SNX20: variants seen among roughly 807,000 people sequenced by gnomAD.
SNX20 encodes sorting nexin 20, also known as sorting nexin-20.
In SNX20, 21 loss-of-function variants were observed where a neutral mutation model predicts 24.5. The observed-to-expected ratio is 0.86, with a 90% CI of 0.61 to 1.23. SNX20 has a LOEUF of 1.23. Ranked by LOEUF, SNX20 falls within the 50% of genes most tolerant of loss-of-function variation. The pLI is 0.00. For missense variants in SNX20, 433 were observed against 430.8 expected, an observed-to-expected ratio of 1.00 and a Z score of -0.04; for synonymous variants, 206 against 192.8, an observed-to-expected ratio of 1.07 and a Z score of -0.57.
At position 50,673,808 on chromosome 16, in the gene SNX20, G is replaced by T; in HGVS notation, c.549C>A (p.Phe183Leu). The change falls in exon 4 of 4, where the codon TTC becomes TTA. Residue 183 changes from phenylalanine (F) to leucine (L), a missense_variant. Physicochemically the swap from Phe to Leu is conservative, Grantham distance 22. Transcript: ENST00000330943. This position sits in a 1 kb window ranked among gnomAD's most constrained non-coding sequence, Gnocchi z 4.1. ...CCTCGCGCAGCTCCGGCCGCGTGAG[G>T]AAGTCCAGGAACTCCCGGGAGCGGC... is the stretch of plus-strand genomic sequence containing the variant. The part of the protein sequence containing the change: ...CVRRSREFLD[F>L]LTRPELREAF... The T allele has an allele frequency of 6.3e-7, 1 of 1,591,874 alleles. No individual in the cohort carries two copies.
downstream of SNX20, chr16:50,670,529 C>T: frequency 6.6e-6 from 1 of 152,256 alleles, no homozygotes; most frequent in South Asian, 2.1e-4. Flanking sequence ...CAGCTGCCAC[C>T]ACTCTAAAGT....
At position 50,673,714 on chromosome 16, in the gene SNX20, G is replaced by C; in HGVS notation, c.643C>G (p.Gln215Glu). 1 of 1,499,766 alleles carries C rather than the reference G, an allele frequency of 6.7e-7. No homozygotes were observed. Among genetic ancestry groups the C allele is most frequent in the Non-Finnish European group, 8.8e-7 (1 of 1,132,688 alleles). The allele number at this position is 1,499,766 out of a possible 1,614,324, so 92.9% of individuals were successfully genotyped here. A position where few individuals can be genotyped will look rare whatever the true frequency, so the allele number is the denominator to read the frequency against. ...GGGCAGTGGGCGGTGAGCTTCTCCT[G>C]CAGCGGCAGCACGCGCAGCAGCAGC... ...LELLLRVLPLQEKLTAHCPAA... is the reference protein window; with the variant it reads ...LELLLRVLPLEEKLTAHCPAA... Residue 215 changes from glutamine to glutamate, a missense_variant, in exon 4 of 4, where the codon CAG becomes GAG. By Grantham distance (29) the Gln-to-Glu change is conservative (BLOSUM62 2). Transcript: ENST00000330943. The surrounding 1 kb of genome is among the most constrained non-coding windows in gnomAD (Gnocchi z 4.1).
At position 50,674,030 on chromosome 16, in the gene SNX20, G is replaced by A. The variant is rs1259547843; in HGVS notation, c.327C>T (p.Asn109=). The part of the protein sequence containing the change: ...IVIQTGSFDN[N]KAVLERRYSD... Reference sequence around the variant, plus strand: ...AATAGCGCCGTTCCAGGACGGCCTTGTTGTTGTCAAAGCTCCCAGTCTGGA... The same window carrying A: ...AATAGCGCCGTTCCAGGACGGCCTTATTGTTGTCAAAGCTCCCAGTCTGGA... The change falls in exon 4 of 4, where the codon AAC becomes AAT. Residue 109 remains asparagine, a synonymous_variant. Coordinates refer to ENST00000330943, the MANE Select transcript of SNX20 (RefSeq NM_182854.4). 13 of 1,609,726 alleles carry A rather than the reference G, an allele frequency of 8.1e-6. No homozygotes were observed. The highest frequency in any genetic ancestry group is 1.3e-5 in the African/African-American group (1 of 74,578).
chr16:50,677,074 ACAACC>A (rs1458090760), intron 2 of SNX20, among the ~76,000 whole-genome samples: 1 of 152,150 alleles, frequency 6.6e-6, no homozygotes, highest in African/African-American at 2.4e-5. Flanking sequence ...CTAGGATAGG[ACAACC>A]CAGAGATATG....
chr16:50,668,360 T>C, downstream of SNX20: 1 of 1,131,514 alleles, frequency 8.8e-7, no homozygotes. Flanking sequence ...CTCTCTCTCT[T>C]TTAACAAAAG....
At chr16:50,679,705 A>G (rs1287788033) in intron 1 of SNX20, among the ~76,000 whole-genome samples, 3 of 152,320 alleles carry the variant, frequency 2.0e-5, no homozygotes, top group South Asian at 4.1e-4. Flanking sequence ...AAATGTGGCT[A>G]CAAGCCCCGT....
At chr16:50,668,446 T>G, downstream of SNX20, 1 of 771,714 alleles carries the variant, frequency 1.3e-6, no homozygotes, top group Non-Finnish European at 1.6e-6. Context: ...ATCGGTTTCA[T>G]TGTGTTTATT....
In SNX20 at chr16:50,673,976, C is replaced by G; in HGVS notation, c.381G>C (p.Leu127=). ...YSDFAKLQKA[L]LKTFREEIED... ...CGATCTCCTCCCTGAACGTCTTCAG[C>G]AGCGCTTTCTGGAGCTTCGCGAAGT... The change falls in exon 4 of 4, where the codon CTG becomes CTC. Residue 127 remains leucine, a synonymous_variant. Coordinates refer to ENST00000330943, the MANE Select transcript of SNX20 (RefSeq NM_182854.4). The surrounding 1 kb of genome is among the most constrained non-coding windows in gnomAD (Gnocchi z 4.1). 6.2e-7 allele frequency: 1 copy of G among 1,613,148 alleles called. No homozygotes were observed. Among genetic ancestry groups the G allele is most frequent in the East Asian group, 2.2e-5 (1 of 44,768 alleles).
chr16:50,669,113 T>C, downstream of SNX20: 1 of 1,509,984 alleles, frequency 6.6e-7, no homozygotes, highest in Non-Finnish European at 9.0e-7. Flanking sequence ...CACGTGACCC[T>C]GGATAAGTCA....
At chr16:50,668,343 T>G, downstream of SNX20, 1 of 1,168,076 alleles carries the variant, frequency 8.6e-7, no homozygotes, top group Non-Finnish European at 1.1e-6. Context: ...TATTTCTCTG[T>G]CTCTGTCTCT....
rs1216788935 is a variant in SNX20 at position 50,675,799 on chromosome 16, T to A, written c.253A>T (p.Ile85Phe). 4 of 1,613,658 alleles carry A rather than the reference T, an allele frequency of 2.5e-6. No individual in the cohort carries two copies. Among genetic ancestry groups the A allele is most frequent in the East Asian group, 4.5e-5 (2 of 44,868 alleles). Residue 85 changes from isoleucine (I) to phenylalanine (F), a missense_variant, in exon 3 of 4, where the codon ATC (isoleucine) becomes TTC (phenylalanine). Transcript: ENST00000330943. The stretch of plus-strand genomic sequence containing the variant: ...AACTTAGAGACTTTTCTCTCCTCGA[T>A]GCGAGCTGAAGCGATCTCAAAGAGC... Reference protein sequence around the residue: ...KLLFEIASARIEERKVSKFVV... With the variant: ...KLLFEIASARFEERKVSKFVV...
chr16:50,671,161 A>G (rs1327471842), downstream of SNX20: 17 of 139,146 alleles, frequency 1.2e-4, 1 homozygote, highest in Admixed American at 9.0e-4. Flanking sequence ...CTCTGAACTC[A>G]ACAGGATCCT....
At chr16:50,669,253 T>C, downstream of SNX20, 1 of 677,482 alleles carries the variant, frequency 1.5e-6, no homozygotes. Flanking sequence ...AAAAGAGGGT[T>C]ATTTGGCTCA....
chr16:50,673,797 G>A lies in SNX20; in HGVS notation c.560C>T (p.Pro187Leu). 1 of 1,578,634 alleles carries A rather than the reference G, an allele frequency of 6.3e-7. No individual in the cohort carries two copies. The highest frequency in any genetic ancestry group is 8.6e-7 in the Non-Finnish European group (1 of 1,168,548). The change falls in exon 4 of 4, where the codon CCG (proline) becomes CTG (leucine). Residue 187 changes from proline (P) to leucine (L), a missense_variant. Transcript: ENST00000330943. The surrounding 1 kb of genome is among the most constrained non-coding windows in gnomAD (Gnocchi z 4.1). ...SREFLDFLTR[P>L]ELREAFGCLR... ...GCAGCCGAAAGCCTCGCGCAGCTCC[G>A]GCCGCGTGAGGAAGTCCAGGAACTC...
rs760505960 is a variant in SNX20 at position 50,677,479 on chromosome 16, T to C, written c.48A>G (p.Ile16Met). 7.5e-6 allele frequency: 12 copies of C among 1,609,146 alleles called. No individual in the cohort carries two copies. The highest frequency in any genetic ancestry group is 9.3e-6 in the Non-Finnish European group (11 of 1,177,524). Reference protein sequence around the residue: ...HPGSPGCMGPITQCTARTQQE... With the variant: ...HPGSPGCMGPMTQCTARTQQE... ...GCTGGGTCCTTGCCGTGCACTGGGT[T>C]ATGGGTCCCATGCAGCCAGGGCTCC... Residue 16 changes from isoleucine (I) to methionine (M), a missense_variant, in exon 2 of 4, where the codon ATA (isoleucine) becomes ATG (methionine). Coordinates refer to ENST00000330943, the MANE Select transcript of SNX20 (RefSeq NM_182854.4).
chr16:50,667,896 T>TTCTTGATC, downstream of SNX20: 1 of 1,056,602 alleles, frequency 9.5e-7, no homozygotes, highest in Admixed American at 2.1e-5. Flanking sequence ...GGAGGGCATT[T>TTCTTGATC]TCTTGATCTT....
At chr16:50,680,871 A>G (rs904174110) in intron 1 of SNX20, among the ~76,000 whole-genome samples, 3 of 152,150 alleles carry the variant, frequency 2.0e-5, no homozygotes, top group Non-Finnish European at 4.4e-5. Context: ...TGCATTTTCC[A>G]TGAGTCCTCT....
chr16:50,669,217 T>C, downstream of SNX20: 1 of 764,164 alleles, frequency 1.3e-6, no homozygotes, highest in Non-Finnish European at 2.3e-6. Context: ...TATAAAGGAA[T>C]ACCTGAGGTT....
downstream of SNX20, chr16:50,667,444 C>G (rs928211139): frequency 1.9e-5 from 3 of 154,810 alleles, no homozygotes; most frequent in African/African-American, 7.2e-5. Context: ...GAAGCCTTCC[C>G]TGACCACCTG....
Sources: gnomAD v4.1 joint callset for allele counts (sites outside exome capture counted in the v4.1 genomes callset) on GRCh38, gnomAD v4.1.1 for gene constraint, Gnocchi (gnomAD v3.1) non-coding constraint, MANE v1.5 for transcripts, NCBI Gene and HGNC (gene_info 2026-07-23, HGNC 2026-07-21) for gene names.